The following TMIGD3 variants were observed in gnomAD, a reference collection of about 807,000 sequenced individuals.
TMIGD3 encodes AD026 protein (AD026).
TMIGD3 carries 21 observed loss-of-function variants against 28.1 expected under a neutral mutation model. That is an observed-to-expected ratio of 0.75 (90% CI 0.53 to 1.08). The LOEUF (loss-of-function observed/expected upper bound fraction) is 1.08. Among genes scored for constraint, TMIGD3 ranks in the 50% least tolerant of loss-of-function variants. The probability of loss-of-function intolerance (pLI) is 0.00; values close to 1 mark genes in which losing one functional copy is unlikely to be tolerated. For synonymous variants in TMIGD3, 151 were observed against 162.1 expected, an observed-to-expected ratio of 0.93 and a Z score of 0.52; for missense variants, 416 against 435.6, an observed-to-expected ratio of 0.96 and a Z score of 0.40.
At chr1:111,563,780 G>A in intron 1 of TMIGD3, 4 of 1,163,754 alleles carry the variant, frequency 3.4e-6, no homozygotes, top group Non-Finnish European at 5.1e-6. Flanking sequence ...GTTCCAAAGT[G>A]GTCAGTATGC....
At position 111,532,544 on chromosome 1, in the gene TMIGD3, C is replaced by T. The variant is rs531193812; in HGVS notation, c.107+31302G>A. Among the ~76,000 whole-genome samples the T allele has an allele frequency of 5.6e-4, 86 of 152,260 alleles. No individual in the cohort carries two copies. The South Asian group carries it at 0.014, about 25-fold the overall frequency. ...GTGGCTCACACCTGTAATCCAAGCA[C>T]TGTGGGAGGCTGAGACAGGAGAATC... On this transcript the variant is annotated intron_variant, in intron 1 of 5. Coordinates refer to the TMIGD3 transcript ENST00000369717.
At chr1:111,540,326 A>G (rs987118780) in intron 1 of TMIGD3, among the ~76,000 whole-genome samples, 4 of 152,236 alleles carry the variant, frequency 2.6e-5, no homozygotes, top group African/African-American at 7.2e-5. Flanking sequence ...CGTGTACGTG[A>G]TATCACTTAT....
upstream of TMIGD3, among the ~76,000 whole-genome samples, chr1:111,508,233 T>TG (rs1450230933): frequency 3.9e-5 from 6 of 152,176 alleles, no homozygotes; most frequent in Admixed American, 3.3e-4. Context: ...CTCCAGGCCC[T>TG]GGGGGAAAGA....
intron 1 of TMIGD3, among the ~76,000 whole-genome samples, chr1:111,523,628 G>A (rs975070817): frequency 3.3e-5 from 5 of 151,918 alleles, no homozygotes; most frequent in African/African-American, 4.8e-5. Flanking sequence ...AAAACTATAT[G>A]GGCTTCGAGT....
chr1:111,553,806 A>G (rs1048189553), intron 1 of TMIGD3, among the ~76,000 whole-genome samples: 1 of 152,162 alleles, frequency 6.6e-6, no homozygotes, highest in Non-Finnish European at 1.5e-5. Context: ...AGTCAACTCA[A>G]ATCCATCTCT....
At chr1:111,559,400 A>T (rs74112341) in intron 1 of TMIGD3, among the ~76,000 whole-genome samples, 16,730 of 152,176 alleles carry the variant, frequency 0.11, 2,337 homozygotes, top group African/African-American at 0.32. Context: ...AAAAAATCCT[A>T]TTCTTTATGA....
At chr1:111,534,691 G>A (rs1375863650) in intron 1 of TMIGD3, among the ~76,000 whole-genome samples, 1 of 152,118 alleles carries the variant, frequency 6.6e-6, no homozygotes, top group Non-Finnish European at 1.5e-5. Context: ...GAGCCTCTGG[G>A]AGCACATGAA....
upstream of TMIGD3, among the ~76,000 whole-genome samples, chr1:111,505,751 C>T (rs746252592): frequency 2.6e-5 from 4 of 152,174 alleles, no homozygotes; most frequent in Non-Finnish European, 4.4e-5. Context: ...GCCTCCTACT[C>T]GGTGCCTCAG....
chr1:111,520,344 C>T (rs1335134192), intron 1 of TMIGD3, among the ~76,000 whole-genome samples: 1 of 152,192 alleles, frequency 6.6e-6, no homozygotes, highest in Admixed American at 6.5e-5. Context: ...TTCCTCCTGA[C>T]TAGAGTCATC....
intron 1 of TMIGD3, among the ~76,000 whole-genome samples, chr1:111,540,274 G>C (rs1656775287): frequency 1.3e-5 from 2 of 152,204 alleles, no homozygotes; most frequent in South Asian, 4.1e-4. Context: ...GTTTTGACAT[G>C]CAAAGGGTTG....
chr1:111,502,412 G>C lies in TMIGD3; in HGVS notation c.350+593C>G, dbSNP rs2486265. On this transcript the variant is annotated intron_variant, in intron 1 of 5. Coordinates refer to ENST00000369716, the MANE Select transcript of TMIGD3 (RefSeq NM_020683.7). ...ATATAGGATACATATATTTATTATA[G>C]TGAATATATATAGGATACATATATT... Among the ~76,000 whole-genome samples, 3 of 92,314 alleles carry C rather than the reference G, an allele frequency of 3.2e-5. 1 individual carries two copies. Among genetic ancestry groups the C allele is most frequent in the Non-Finnish European group, 6.6e-5 (3 of 45,792 alleles). The allele number at this position is 92,314 out of a possible 152,430, so 60.6% of individuals were successfully genotyped here. A position where few individuals can be genotyped will look rare whatever the true frequency, so the allele number is the denominator to read the frequency against.
At chr1:111,500,431 C>T (rs1439276880) in intron 1 of TMIGD3, 3 of 1,614,204 alleles carry the variant, frequency 1.9e-6, no homozygotes, top group Non-Finnish European at 2.5e-6. Flanking sequence ...GGTGACATTT[C>T]TGTGGTACTC....
At chr1:111,523,283 T>C (rs1427290961) in intron 1 of TMIGD3, among the ~76,000 whole-genome samples, 2 of 152,240 alleles carry the variant, frequency 1.3e-5, no homozygotes, top group African/African-American at 4.8e-5. Context: ...GATTATAAAT[T>C]GGATTTTGCA....
chr1:111,497,441 G>C (rs184238310), intron 1 of TMIGD3, among the ~76,000 whole-genome samples: 1 of 152,308 alleles, frequency 6.6e-6, no homozygotes, highest in Admixed American at 6.5e-5. Context: ...CCTGAAACCA[G>C]AGTGGATCTT....
chr1:111,502,913 G>A, intron 1 of TMIGD3, 92 bp downstream of exon 1: 2 of 1,482,630 alleles, frequency 1.3e-6, no homozygotes, highest in Non-Finnish European at 1.8e-6. Context: ...GGCCAATTTG[G>A]ATACATTTTT....
chr1:111,488,838 C>T lies in TMIGD3; in HGVS notation c.644G>A (p.Gly215Glu). 2 of 1,614,204 alleles carry T rather than the reference C, an allele frequency of 1.2e-6. No homozygotes were observed. The highest frequency in any genetic ancestry group is 8.5e-7 in the Non-Finnish European group (1 of 1,180,040). The change falls in exon 3 of 6, where the codon GGG becomes GAG. Residue 215 changes from glycine to glutamate, a missense_variant. By Grantham distance (98) the Gly-to-Glu change is moderately conservative. Transcript: ENST00000369716. ...GGACATAGTGACAATGAGCTGGTTC[C>T]CTGTGTCCCTCAGGGCCACATGATT... ...STNHVALRDT[G>E]NQLIVTMSCL...
chr1:111,487,028 C>T (rs1654410177), intron 3 of TMIGD3, among the ~76,000 whole-genome samples: 1 of 152,174 alleles, frequency 6.6e-6, no homozygotes, highest in East Asian at 1.9e-4. Flanking sequence ...GCCAGAGGCA[C>T]AAGAGGGCCA....
At chr1:111,549,305 T>G (rs1657159929) in intron 1 of TMIGD3, among the ~76,000 whole-genome samples, 1 of 149,366 alleles carries the variant, frequency 6.7e-6, no homozygotes, top group South Asian at 2.1e-4. Flanking sequence ...CATCCAGTCA[T>G]GGGCTTTTTT....
intron 1 of TMIGD3, among the ~76,000 whole-genome samples, chr1:111,520,167 A>G (rs963789757): frequency 6.6e-6 from 1 of 152,240 alleles, no homozygotes; most frequent in Non-Finnish European, 1.5e-5. Context: ...ATAGGTTGTC[A>G]TAAAGAGTGG....
Sources: gnomAD v4.1 joint callset for allele counts (sites outside exome capture counted in the v4.1 genomes callset) on GRCh38, gnomAD v4.1.1 for gene constraint, MANE v1.5 for transcripts, NCBI Gene and HGNC (gene_info 2026-07-23, HGNC 2026-07-21) for gene names.